The following ABCD4 variants were observed in gnomAD, a reference collection of about 807,000 sequenced individuals.
ABCD4 encodes the protein ATP binding cassette subfamily D member 4, also known as lysosomal cobalamin transporter ABCD4.
Under a neutral mutation model 86.3 loss-of-function variants are expected in ABCD4, and 53 were observed. The observed-to-expected ratio is 0.61, with a 90% CI of 0.49 to 0.77. The LOEUF (loss-of-function observed/expected upper bound fraction) is 0.77. Ranked by LOEUF, ABCD4 falls within the 30% of genes least tolerant of loss-of-function variation. ABCD4 has a pLI of 0.00. For synonymous variants in ABCD4, 328 were observed against 313.6 expected (o/e 1.05, Z -0.49); for missense variants, 757 against 764.5 (o/e 0.99, Z 0.12).
At chr14:74,296,063 T>C in intron 5 of ABCD4, 84 bp from the exon 6 acceptor site, 1 of 1,509,516 alleles carries the variant, frequency 6.6e-7, no homozygotes, top group South Asian at 1.3e-5. Context: ...TCCTGTTCCC[T>C]CTCAGGTAGC....
At chr14:74,298,470 C>T (rs1000085583) in intron 3 of ABCD4, among the ~76,000 whole-genome samples, 17 of 152,128 alleles carry the variant, frequency 1.1e-4, no homozygotes, top group African/African-American at 4.1e-4. Context: ...GGGGTTTCTC[C>T]ATCTTGGTCA....
intron 7 of ABCD4, chr14:74,294,915 G>A (rs1182318693): frequency 3.5e-6 from 2 of 567,542 alleles, no homozygotes; most frequent in African/African-American, 1.9e-5. Flanking sequence ...CCCCACGCTA[G>A]GCCACTAAGA....
chr14:74,292,210 A>C (rs2081692611), intron 11 of ABCD4, 77 bp downstream of exon 11: 1 of 1,370,084 alleles, frequency 7.3e-7, no homozygotes, highest in Admixed American at 1.7e-5. Context: ...GGGAAAGGGC[A>C]GGACTCCAGG....
intron 11 of ABCD4, among the ~76,000 whole-genome samples, chr14:74,291,696 G>A (rs2081526165): frequency 6.6e-6 from 1 of 152,166 alleles, no homozygotes; most frequent in Admixed American, 6.5e-5. Context: ...TTGAGTGTAG[G>A]CCCTGGAATT....
At chr14:74,286,654 C>T in intron 18 of ABCD4, 47 bp downstream of exon 18, 5 of 1,613,392 alleles carry the variant, frequency 3.1e-6, no homozygotes, top group Non-Finnish European at 4.2e-6. Context: ...CAGGCTGAGC[C>T]TTTGGGTTCT....
intron 12 of ABCD4, 23 bp downstream of exon 12, chr14:74,290,268 G>C (rs1203835610): frequency 1.9e-6 from 3 of 1,614,054 alleles, no homozygotes; most frequent in Admixed American, 1.7e-5. Context: ...CTGGGTCAGA[G>C]GCAGGGAGGG....
Position 74,296,095 on chromosome 14 carries a change from C to T in ABCD4, c.543-116G>A, listed in dbSNP as rs2074945. On this transcript the variant is annotated intron_variant, in intron 5 of 18. Transcript: ENST00000356924. ...TAGCCCCTGTCCAATCTGAGTGGCCCAATGGGCCCTCTGCTCCTATGTGGG... is the reference window on the plus strand; with the variant it reads ...TAGCCCCTGTCCAATCTGAGTGGCCTAATGGGCCCTCTGCTCCTATGTGGG... The T allele has an allele frequency of 0.35, 486,739 of 1,397,220 alleles. 87,354 individuals carry two copies. Among genetic ancestry groups the T allele is most frequent in the Middle Eastern group, 0.51 (1,940 of 3,802 alleles). 86.6% of individuals were successfully genotyped at this position (1,397,220 alleles called of 1,614,324 possible).
In ABCD4 at chr14:74,297,922, G is replaced by A. The variant is rs763447464; in HGVS notation, c.425+8C>T. ...AGAGTGTAGAAAGGACTGAGTTGGG[G>A]CGCCTACGGGTTATCGATGTCATCC... On this transcript the variant is annotated splice_region_variant and intron_variant, in intron 4 of 18. Transcript: ENST00000356924. 13 of 1,610,318 alleles carry A rather than the reference G, an allele frequency of 8.1e-6. No homozygotes were observed. The highest frequency in any genetic ancestry group is 9.3e-6 in the Non-Finnish European group (11 of 1,178,654).
chr14:74,302,878 G>C lies in ABCD4; in HGVS notation c.35C>G (p.Ala12Gly), dbSNP rs1429449100. Residue 12 changes from alanine to glycine, a missense_variant, in exon 1 of 19, where the codon GCC (alanine) becomes GGC (glycine). Coordinates refer to ENST00000356924, the MANE Select transcript of ABCD4 (RefSeq NM_005050.4). ...CCTCCCCGACCGCCCTGCTTACCTG[G>C]CGCCAGCTCCGGGCGCGGGCCCCGC... ...AVAGPAPGAG[A>G]RPRLDLQFLQ... is the part of the protein sequence containing the mutation. The C allele has an allele frequency of 6.2e-7, 1 of 1,607,246 alleles. No homozygotes were observed. The highest frequency in any genetic ancestry group is 1.3e-5 in the African/African-American group (1 of 74,382).
chr14:74,301,990 C>T (rs1461899602), intron 1 of ABCD4, among the ~76,000 whole-genome samples: 20 of 149,760 alleles, frequency 1.3e-4, no homozygotes, highest in Admixed American at 1.3e-3. Flanking sequence ...AACCAGCCGC[C>T]ACTGAACGAT....
chr14:74,290,632 G>A, intron 11 of ABCD4, 133 bp from the exon 12 acceptor site: 3 of 657,936 alleles, frequency 4.6e-6, no homozygotes, highest in Non-Finnish European at 8.1e-6. Context: ...ATCACATGCT[G>A]AAGTCCAGCC....
In ABCD4 at chr14:74,292,315, G is replaced by A; in HGVS notation, c.1090C>T (p.Leu364=). Residue 364 remains leucine, a synonymous_variant, in exon 11 of 19, where the codon CTG becomes TTG. Coordinates refer to ENST00000356924, the MANE Select transcript of ABCD4 (RefSeq NM_005050.4). ...MSLKSQDCEI[L]GESEWGLDTP... Reference sequence around the variant, plus strand: ...TCCAAGCCCCACTCGCTCTCGCCCAGGATCTCGCAGTCCTGTGACTTCAGG... The same window carrying A: ...TCCAAGCCCCACTCGCTCTCGCCCAAGATCTCGCAGTCCTGTGACTTCAGG... 6.2e-7 allele frequency: 1 copy of A among 1,614,082 alleles called. No individual in the cohort carries two copies.
chr14:74,302,767 C>A, intron 1 of ABCD4, 108 bp downstream of exon 1: 2 of 1,246,446 alleles, frequency 1.6e-6, no homozygotes, highest in Non-Finnish European at 2.1e-6. Context: ...GTCACGGGGG[C>A]GAGACGGGGG....
At chr14:74,293,643 A>AT (rs2082118246) in intron 7 of ABCD4, 1 of 160,586 alleles carries the variant, frequency 6.2e-6, no homozygotes, top group Non-Finnish European at 1.4e-5. Context: ...CCCTCAATAA[A>AT]TAAAAACTAT....
At chr14:74,287,253 G>A (rs549857123) in intron 17 of ABCD4, among the ~76,000 whole-genome samples, 2 of 152,188 alleles carry the variant, frequency 1.3e-5, no homozygotes, top group South Asian at 2.1e-4. Flanking sequence ...CTGCTGCCAG[G>A]CAAAAAGCTT....
intron 17 of ABCD4, 120 bp downstream of exon 17, chr14:74,287,690 G>T: frequency 2.1e-6 from 2 of 938,436 alleles, no homozygotes; most frequent in Non-Finnish European, 3.3e-6. Context: ...GTCCTCTCCA[G>T]CAGGGAATGC....
At position 74,299,387 on chromosome 14, in the gene ABCD4, A is replaced by G. The variant is rs913224617; in HGVS notation, c.285+161T>C. The G allele has an allele frequency of 5.8e-4, 512 of 881,034 alleles. 4 individuals carry two copies. Among genetic ancestry groups the G allele is most frequent in the Non-Finnish European group, 1.3e-4 (75 of 575,158 alleles). 54.6% of individuals were successfully genotyped at this position (881,034 alleles called of 1,614,324 possible). ...TCCCACGTGGGCCAATAGCAAGATC[A>G]ACGTGCTTAATAAAGGCAACTATCC... On this transcript the variant is annotated intron_variant, in intron 3 of 18. Transcript: ENST00000356924.
In ABCD4 at chr14:74,290,507, A is replaced by G. The variant is rs765765487; in HGVS notation, c.1119-8T>C. 5 of 1,610,596 alleles carry G rather than the reference A, an allele frequency of 3.1e-6. No individual in the cohort carries two copies. The African/African-American group carries it at 5.3e-5, about 17-fold the overall frequency. On this transcript the variant is annotated splice_region_variant and splice_polypyrimidine_tract_variant and intron_variant, in intron 11 of 18. Transcript: ENST00000356924. ...GCTGGCCACCCTGGGGGTCTGTGTC[A>G]GAGAAGAGAGGGGGCGTGAGGAAGA...
chr14:74,292,657 A>T lies in ABCD4; in HGVS notation c.937-15T>A, dbSNP rs1432844515. ...ACAAAGGCATTCTGGACAGGATGGG[A>T]AGAGGTCAAGCAGGTCTCGACTCGA... On this transcript the variant is annotated splice_polypyrimidine_tract_variant and intron_variant, in intron 9 of 18. Transcript: ENST00000356924. 1 of 1,614,050 alleles carries T rather than the reference A, an allele frequency of 6.2e-7. No homozygotes were observed. The highest frequency in any genetic ancestry group is 1.1e-5 in the South Asian group (1 of 91,062).
Sources: allele counts gnomAD v4.1 joint callset (sites outside exome capture counted in the v4.1 genomes callset), GRCh38; gene constraint gnomAD v4.1.1; transcripts MANE v1.5; gene names NCBI Gene and HGNC (gene_info 2026-07-23, HGNC 2026-07-21).